The following CHRM3 variants were observed in gnomAD, a reference collection of about 807,000 sequenced individuals.
CHRM3 encodes the protein muscarinic acetylcholine receptor M3.
A neutral mutation model predicts 41.8 loss-of-function variants in CHRM3; 11 were observed. The observed-to-expected ratio is 0.26, with a 90% CI of 0.17 to 0.44. The LOEUF is 0.44. CHRM3 is among the 20% of genes least tolerant of loss of function. The pLI, the probability that CHRM3 is intolerant of heterozygous loss-of-function variation, is 1.00. For synonymous variants in CHRM3, 297 were observed against 301.4 expected (o/e 0.99, Z 0.15); for missense variants, 571 against 745.4 (o/e 0.77, Z 2.72).
chr1:239,842,570 TA>T (rs1673907001), intron 6 of CHRM3, among the ~76,000 whole-genome samples: 2 of 151,988 alleles, frequency 1.3e-5, no homozygotes, highest in Admixed American at 1.3e-4. Context: ...TGGGGAGACC[TA>T]AAGTGGAAAA....
intron 4 of CHRM3, among the ~76,000 whole-genome samples, chr1:239,649,276 A>G (rs1252816229): frequency 6.6e-6 from 1 of 152,134 alleles, no homozygotes; most frequent in African/African-American, 2.4e-5. Context: ...AGTGAAAGGC[A>G]CCATCTATGA....
intron 2 of CHRM3, among the ~76,000 whole-genome samples, chr1:239,526,591 T>C (rs1436571736): frequency 6.6e-6 from 1 of 152,202 alleles, no homozygotes; most frequent in Admixed American, 6.5e-5. Flanking sequence ...AGCACACTGC[T>C]GCTGTGATTC....
At chr1:239,836,465 T>G (rs967516607) in intron 6 of CHRM3, among the ~76,000 whole-genome samples, 2 of 152,184 alleles carry the variant, frequency 1.3e-5, no homozygotes, top group Admixed American at 1.3e-4. Flanking sequence ...TTATTTCAAT[T>G]CCAGTATTTT....
intron 3 of CHRM3, among the ~76,000 whole-genome samples, chr1:239,602,713 G>A (rs557170834): frequency 6.6e-6 from 1 of 152,154 alleles, no homozygotes; most frequent in African/African-American, 2.4e-5. Context: ...CAGAAATGTT[G>A]CATGTGTGTT....
chr1:239,846,519 A>T (rs1331021580), intron 6 of CHRM3, among the ~76,000 whole-genome samples: 1 of 152,220 alleles, frequency 6.6e-6, no homozygotes, highest in Non-Finnish European at 1.5e-5. Flanking sequence ...TTGCCAGGTT[A>T]TGAGAAAAAA....
At chr1:239,891,743 G>A (rs369735654) in intron 6 of CHRM3, among the ~76,000 whole-genome samples, 5 of 152,156 alleles carry the variant, frequency 3.3e-5, no homozygotes, top group African/African-American at 9.7e-5. Flanking sequence ...CAGAGGACAC[G>A]AAAACCCTCA....
chr1:239,434,413 T>G (rs1378235650), intron 1 of CHRM3, among the ~76,000 whole-genome samples: 1 of 152,242 alleles, frequency 6.6e-6, no homozygotes, highest in Admixed American at 6.5e-5. Flanking sequence ...CTCTGGGATA[T>G]TTCCCAAGAC....
chr1:239,518,151 C>T (rs901136009), intron 2 of CHRM3, among the ~76,000 whole-genome samples: 1 of 152,112 alleles, frequency 6.6e-6, no homozygotes, highest in Non-Finnish European at 1.5e-5. Flanking sequence ...CATTTCCACA[C>T]GTTTTAATTT....
intron 4 of CHRM3, among the ~76,000 whole-genome samples, chr1:239,674,599 A>T (rs1334740385): frequency 6.6e-6 from 1 of 150,894 alleles, no homozygotes; most frequent in Non-Finnish European, 1.5e-5. Context: ...AGTCCCAGCT[A>T]CTCTGAAGGC....
chr1:239,629,059 A>G (rs1669418048), intron 3 of CHRM3: 1 of 85,316 alleles, frequency 1.2e-5, no homozygotes, highest in Non-Finnish European at 2.3e-5. Context: ...TGCTTTGTTT[A>G]CCTAAGCAAG....
In CHRM3 at chr1:239,484,304, G is replaced by T. The variant is rs1298706784; in HGVS notation, c.-520-8405G>T. Among the ~76,000 whole-genome samples, 4 of 152,112 alleles carry T rather than the reference G, an allele frequency of 2.6e-5. No individual in the cohort carries two copies. In the East Asian group the frequency reaches 7.7e-4, roughly 29 times the overall value. ...ACAGCAGGAGCAAGAGAGAGAGGAG[G>T]TGCCATACTCTTTTAAACAACCAGG... On this transcript the variant is annotated intron_variant, in intron 1 of 6. Coordinates refer to ENST00000676153, the MANE Select transcript of CHRM3 (RefSeq NM_001375978.1).
chr1:239,414,332 TA>T (rs67535719), intron 1 of CHRM3, among the ~76,000 whole-genome samples: 18 of 152,078 alleles, frequency 1.2e-4, no homozygotes, highest in African/African-American at 2.7e-4. Context: ...ATGGCCTACT[TA>T]AAAAAAAGTT....
At chr1:239,422,730 G>A (rs1480516344) in intron 1 of CHRM3, among the ~76,000 whole-genome samples, 2 of 151,946 alleles carry the variant, frequency 1.3e-5, no homozygotes, top group East Asian at 3.9e-4. Context: ...AGGAGGCAGA[G>A]GTTTCAGTGA....
At chr1:239,682,022 C>T (rs371670410) in intron 5 of CHRM3, among the ~76,000 whole-genome samples, 5 of 152,152 alleles carry the variant, frequency 3.3e-5, no homozygotes, top group East Asian at 1.9e-4. Context: ...ATAATATGCC[C>T]GTGCAGGGCT....
At chr1:239,425,163 T>C (rs1662268104) in intron 1 of CHRM3, among the ~76,000 whole-genome samples, 1 of 152,222 alleles carries the variant, frequency 6.6e-6, no homozygotes, top group Non-Finnish European at 1.5e-5. Flanking sequence ...AGAATTAACA[T>C]TGAATAGGAA....
At chr1:239,864,479 C>T (rs1248093536) in intron 6 of CHRM3, among the ~76,000 whole-genome samples, 1 of 151,810 alleles carries the variant, frequency 6.6e-6, no homozygotes, top group Non-Finnish European at 1.5e-5. Flanking sequence ...TGCACTCCAG[C>T]CTGGGCAACA....
intron 6 of CHRM3, among the ~76,000 whole-genome samples, chr1:239,852,947 G>A (rs1674817614): frequency 6.6e-6 from 1 of 152,000 alleles, no homozygotes; most frequent in Admixed American, 6.6e-5. Flanking sequence ...CTTATAAAAA[G>A]TTAATACATT....
chr1:239,484,648 A>G (rs1172964979), intron 1 of CHRM3, among the ~76,000 whole-genome samples: 2 of 152,216 alleles, frequency 1.3e-5, no homozygotes, highest in East Asian at 3.9e-4. Context: ...GCAGTGAGGT[A>G]TGATGGCACC....
At chr1:239,602,404 A>G (rs1433918073) in intron 3 of CHRM3, among the ~76,000 whole-genome samples, 1 of 152,148 alleles carries the variant, frequency 6.6e-6, no homozygotes, top group Non-Finnish European at 1.5e-5. Flanking sequence ...GATTTTCATT[A>G]GTGATGCATT....
Sources: gnomAD v4.1 joint callset for allele counts (sites outside exome capture counted in the v4.1 genomes callset) on GRCh38, gnomAD v4.1.1 for gene constraint, MANE v1.5 for transcripts, NCBI Gene and HGNC (gene_info 2026-07-23, HGNC 2026-07-21) for gene names.